The following SBNO1 variants were observed in gnomAD, a reference collection of about 807,000 sequenced individuals.
SBNO1 encodes protein strawberry notch homolog 1.
In SBNO1, 23 loss-of-function variants were observed where a neutral mutation model predicts 173.6. The ratio of observed to expected loss-of-function variants is 0.13; its 90% CI spans 0.10 to 0.19. The LOEUF (loss-of-function observed/expected upper bound fraction) is 0.19. SBNO1 is among the 10% of genes least tolerant of loss of function. The pLI is 1.00. For missense variants in SBNO1, 1,238 were observed against 1,671.2 expected (o/e 0.74, Z 4.52); for synonymous variants, 632 against 571.5 (o/e 1.11, Z -1.51).
chr12:123,307,096 G>A (rs1443788129), intron 28 of SBNO1, among the ~76,000 whole-genome samples: 1 of 151,354 alleles, frequency 6.6e-6, no homozygotes, highest in Admixed American at 6.6e-5. Context: ...GGCTGAGGTG[G>A]GAGGATTGTC....
At chr12:123,355,766 G>A (rs1334402386) in intron 1 of SBNO1, among the ~76,000 whole-genome samples, 2 of 152,124 alleles carry the variant, frequency 1.3e-5, no homozygotes, top group African/African-American at 4.8e-5. Context: ...CTGGGTGACA[G>A]AGTGAGACCC....
chr12:123,325,499 T>C lies in SBNO1; in HGVS notation c.1973+3A>G. On this transcript the variant is annotated splice_donor_region_variant and intron_variant, in intron 15 of 31. Transcript: ENST00000602398. Reference sequence around the variant, plus strand: ...AAAAACATTAAAAGAACAAAAACATTACTTGGCAGTTGAAACAAAATCATT... The same window carrying C: ...AAAAACATTAAAAGAACAAAAACATCACTTGGCAGTTGAAACAAAATCATT... 6.3e-7 allele frequency: 1 copy of C among 1,593,394 alleles called. No individual in the cohort carries two copies. Among genetic ancestry groups the C allele is most frequent in the South Asian group, 1.1e-5 (1 of 90,326 alleles).
intron 28 of SBNO1, among the ~76,000 whole-genome samples, chr12:123,307,354 G>A (rs1228439344): frequency 6.6e-6 from 1 of 151,614 alleles, no homozygotes; most frequent in Non-Finnish European, 1.5e-5. Context: ...AAGGAAGGTG[G>A]GAAAAAAAAG....
chr12:123,357,602 ATGGTGG>A, intron 1 of SBNO1, among the ~76,000 whole-genome samples: 1 of 151,524 alleles, frequency 6.6e-6, no homozygotes, highest in East Asian at 2.0e-4. Context: ...TTAGCTGGGC[ATGGTGG>A]CGGGTGCCTG....
At chr12:123,331,428 C>A in intron 7 of SBNO1, 53 bp from the exon 8 acceptor site, 1 of 1,567,652 alleles carries the variant, frequency 6.4e-7, no homozygotes, top group South Asian at 1.1e-5. Flanking sequence ...TTTTGGTGAT[C>A]AATCTTTCAT....
At chr12:123,302,489 C>T (rs937489546) in intron 30 of SBNO1, among the ~76,000 whole-genome samples, 2 of 151,980 alleles carry the variant, frequency 1.3e-5, no homozygotes, top group Non-Finnish European at 2.9e-5. Context: ...GGTGATCCGC[C>T]CACCTCAGCC....
chr12:123,313,603 A>G lies in SBNO1; in HGVS notation c.3220+17T>C, dbSNP rs751782832. On this transcript the variant is annotated intron_variant, in intron 24 of 31. Coordinates refer to ENST00000602398, the MANE Select transcript of SBNO1 (RefSeq NM_001167856.3). Reference sequence around the variant, plus strand: ...TCAATAATCATTGTCATTGTTATGAATATTTGTAGAAGTTACCTTTAAAAA... The same window carrying G: ...TCAATAATCATTGTCATTGTTATGAGTATTTGTAGAAGTTACCTTTAAAAA... 3 of 1,240,160 alleles carry G rather than the reference A, an allele frequency of 2.4e-6. No homozygotes were observed. The highest frequency in any genetic ancestry group is 3.0e-5 in the African/African-American group (2 of 67,332). The allele number at this position is 1,240,160 out of a possible 1,614,324, so 76.8% of individuals were successfully genotyped here.
rs1243421188 is a variant in SBNO1 at position 123,294,910 on chromosome 12, G to T, written c.*998C>A. Reference sequence around the variant, plus strand: ...AATAACAAAAGAACACACAGCAGAAGCCTCAAGTGTTTCCTCATTGTCTAC... The same window carrying T: ...AATAACAAAAGAACACACAGCAGAATCCTCAAGTGTTTCCTCATTGTCTAC... On this transcript the variant is annotated 3_prime_UTR_variant, in exon 32 of 32. Transcript: ENST00000602398. 1 of 152,132 alleles carries T rather than the reference G, an allele frequency of 6.6e-6. No homozygotes were observed. Among genetic ancestry groups the T allele is most frequent in the Non-Finnish European group, 1.5e-5 (1 of 68,044 alleles). The allele number at this position is 152,132 out of a possible 1,614,324, so 9.4% of individuals were successfully genotyped here.
intron 16 of SBNO1, among the ~76,000 whole-genome samples, chr12:123,322,049 A>T (rs1490194481): frequency 6.6e-6 from 1 of 152,226 alleles, no homozygotes; most frequent in East Asian, 1.9e-4. Context: ...TCACAATTTG[A>T]CTGTGTATCA....
intron 2 of SBNO1, among the ~76,000 whole-genome samples, chr12:123,348,827 G>A (rs1285621092): frequency 6.6e-6 from 1 of 151,802 alleles, no homozygotes; most frequent in Non-Finnish European, 1.5e-5. Context: ...GGGCTTGGCG[G>A]CGGCCCCCTG....
intron 24 of SBNO1, among the ~76,000 whole-genome samples, chr12:123,313,202 A>T (rs1228426534): frequency 2.3e-5 from 1 of 43,088 alleles, no homozygotes; most frequent in Non-Finnish European, 4.1e-5. Flanking sequence ...CTCGGTCTTA[A>T]AATAAATAAA....
At chr12:123,317,039 C>T (rs1869372297) in intron 21 of SBNO1, among the ~76,000 whole-genome samples, 182 bp downstream of exon 21, 1 of 151,942 alleles carries the variant, frequency 6.6e-6, no homozygotes, top group Admixed American at 6.6e-5. Flanking sequence ...GGTCTCACTG[C>T]GTTGACCAGG....
intron 5 of SBNO1, among the ~76,000 whole-genome samples, chr12:123,338,173 A>T (rs1017015652): frequency 6.6e-6 from 1 of 152,204 alleles, no homozygotes; most frequent in Non-Finnish European, 1.5e-5. Context: ...AGGTACTCCC[A>T]TTTTTCAAAA....
intron 10 of SBNO1, among the ~76,000 whole-genome samples, chr12:123,328,429 T>A (rs969215155): frequency 1.3e-5 from 2 of 152,212 alleles, no homozygotes; most frequent in African/African-American, 4.8e-5. Flanking sequence ...AACAGTTTTC[T>A]TTCACTTAGT....
intron 5 of SBNO1, among the ~76,000 whole-genome samples, chr12:123,338,022 C>T (rs556878684): frequency 6.6e-6 from 1 of 152,260 alleles, no homozygotes; most frequent in East Asian, 1.9e-4. Flanking sequence ...TAGCAACTGA[C>T]ATCAAATTTA....
chr12:123,361,516 C>T (rs1875167439), intron 1 of SBNO1, among the ~76,000 whole-genome samples: 1 of 151,788 alleles, frequency 6.6e-6, no homozygotes, highest in Non-Finnish European at 1.5e-5. Flanking sequence ...CCATTGCACT[C>T]CAGCCTGGGC....
chr12:123,360,723 C>T (rs1263579417), intron 1 of SBNO1, among the ~76,000 whole-genome samples: 1 of 151,982 alleles, frequency 6.6e-6, no homozygotes, highest in Non-Finnish European at 1.5e-5. Flanking sequence ...GGATTACAGG[C>T]GTGCACCACC....
intron 17 of SBNO1, 104 bp from the exon 18 acceptor site, chr12:123,320,970 G>A (rs1184538485): frequency 1.4e-5 from 13 of 953,932 alleles, no homozygotes; most frequent in South Asian, 8.9e-5. Context: ...ACAATGTTTC[G>A]CTGTTGTAGC....
intron 24 of SBNO1, among the ~76,000 whole-genome samples, chr12:123,311,712 CTATCTATCTATATATATATATATATA>C (rs1443671013): frequency 2.9e-5 from 2 of 69,068 alleles, no homozygotes; most frequent in East Asian, 3.3e-4. Flanking sequence ...ATCTATCTAT[CTATCTATCTATATATATATATATATA>C]TATATATATA....
Sources: gnomAD v4.1 joint callset for allele counts (sites outside exome capture counted in the v4.1 genomes callset) on GRCh38, gnomAD v4.1.1 for gene constraint, MANE v1.5 for transcripts, NCBI Gene and HGNC (gene_info 2026-07-23, HGNC 2026-07-21) for gene names.